UBXN7: variants seen among roughly 807,000 people sequenced by gnomAD.
The protein encoded by UBXN7 is UBX domain-containing protein 7.
A neutral mutation model predicts 58.0 loss-of-function variants in UBXN7; 9 were observed. That is an observed-to-expected ratio of 0.16 (90% CI 0.09 to 0.27). The LOEUF is 0.27. Ranked by LOEUF, UBXN7 falls within the 10% of genes least tolerant of loss-of-function variation. The pLI is 1.00. For synonymous variants in UBXN7, 208 were observed against 205.0 expected (o/e 1.01, Z -0.12); for missense variants, 328 against 599.6 (o/e 0.55, Z 4.73).
intron 5 of UBXN7, among the ~76,000 whole-genome samples, chr3:196,384,754 T>G (rs1729320482): frequency 6.6e-6 from 1 of 152,184 alleles, no homozygotes; most frequent in African/African-American, 2.4e-5. Context: ...TCAACAGCCC[T>G]TCACGCTAAA....
In UBXN7 at chr3:196,407,214, A is replaced by C. The variant is rs773385993; in HGVS notation, c.221+32T>G. 3 of 1,603,652 alleles carry C rather than the reference A, an allele frequency of 1.9e-6. No individual in the cohort carries two copies. In the African/African-American group the frequency reaches 4.0e-5, roughly 21 times the overall value. On this transcript the variant is annotated intron_variant, in intron 2 of 10. Transcript: ENST00000296328. ...TGCAACTACTTAATTTAGGCAATGG[A>C]TAGCTCCTGACAACACATAATAAAT...
At chr3:196,384,099 A>G (rs1227372869) in intron 5 of UBXN7, among the ~76,000 whole-genome samples, 2 of 152,212 alleles carry the variant, frequency 1.3e-5, no homozygotes, top group African/African-American at 4.8e-5. Context: ...TAGACGCAAT[A>G]AAAAATGATC....
chr3:196,390,849 C>T (rs1560230731), intron 5 of UBXN7, among the ~76,000 whole-genome samples: 1 of 152,022 alleles, frequency 6.6e-6, no homozygotes, highest in Non-Finnish European at 1.5e-5. Flanking sequence ...TGTTTGAACA[C>T]CTCAACAGAA....
At chr3:196,358,943 G>C (rs1333546802) in intron 10 of UBXN7, among the ~76,000 whole-genome samples, 1 of 151,724 alleles carries the variant, frequency 6.6e-6, no homozygotes, top group African/African-American at 2.4e-5. Flanking sequence ...TTACAGGAGT[G>C]AGCCACTGCA....
At chr3:196,408,598 TCTC>T (rs775688514) in intron 1 of UBXN7, among the ~76,000 whole-genome samples, 16 of 152,168 alleles carry the variant, frequency 1.1e-4, no homozygotes, top group Non-Finnish European at 2.2e-4. Context: ...TCCCTTAGAA[TCTC>T]CTTCTCTTGG....
intron 6 of UBXN7, among the ~76,000 whole-genome samples, chr3:196,370,855 TAC>T (rs1466619157): frequency 2.7e-5 from 2 of 75,408 alleles, no homozygotes; most frequent in African/African-American, 5.7e-5. Flanking sequence ...ACCCCATCTC[TAC>T]AAAAAAAAAA....
intron 1 of UBXN7, chr3:196,423,471 G>T: frequency 8.1e-6 from 2 of 246,346 alleles, no homozygotes; most frequent in South Asian, 7.6e-5. Context: ...TGGCTGTGAT[G>T]GGGCTTGGGG....
At chr3:196,417,675 G>A (rs543178804) in intron 1 of UBXN7, among the ~76,000 whole-genome samples, 1 of 136,698 alleles carries the variant, frequency 7.3e-6, no homozygotes, top group Non-Finnish European at 1.5e-5. Flanking sequence ...GGCCGAGGCA[G>A]ACGGACTGCT....
In UBXN7 at chr3:196,375,658, T is replaced by G. The variant is rs567123095; in HGVS notation, c.469-3616A>C. Among the ~76,000 whole-genome samples, 39 of 152,234 alleles carry G rather than the reference T, an allele frequency of 2.6e-4. 3 individuals are homozygous for G. In the South Asian group the frequency reaches 8.1e-3, roughly 32 times the overall value. On this transcript the variant is annotated intron_variant, in intron 5 of 10. Coordinates refer to ENST00000296328, the MANE Select transcript of UBXN7 (RefSeq NM_015562.2). ...TTCTGAATCAACATTTCAAAGCCAT[T>G]ATAATGGAGACCCCAGAGTAAAACA...
chr3:196,357,334 C>T (rs139206591), intron 10 of UBXN7, among the ~76,000 whole-genome samples: 11 of 152,336 alleles, frequency 7.2e-5, no homozygotes, highest in African/African-American at 2.6e-4. Context: ...TTCAACACTG[C>T]TTGCATTTCA....
intron 1 of UBXN7, among the ~76,000 whole-genome samples, chr3:196,414,221 G>A (rs1730415205): frequency 6.6e-6 from 1 of 152,094 alleles, no homozygotes; most frequent in Non-Finnish European, 1.5e-5. Context: ...CTGACCTCAG[G>A]TGATCCGCCT....
At chr3:196,415,203 A>C (rs1297102545) in intron 1 of UBXN7, among the ~76,000 whole-genome samples, 1 of 150,068 alleles carries the variant, frequency 6.7e-6, no homozygotes, top group East Asian at 2.0e-4. Flanking sequence ...GCCAGGCTGA[A>C]AAGCAGTGGT....
At chr3:196,373,230 T>G (rs1728894994) in intron 5 of UBXN7, among the ~76,000 whole-genome samples, 1 of 152,128 alleles carries the variant, frequency 6.6e-6, no homozygotes. Context: ...CTCTTAAGAG[T>G]TGTCTTCCTA....
intron 8 of UBXN7, among the ~76,000 whole-genome samples, chr3:196,364,192 T>C (rs1728590569): frequency 6.6e-6 from 1 of 152,212 alleles, no homozygotes; most frequent in Admixed American, 6.5e-5. Flanking sequence ...CAGATTTTAC[T>C]AAACTTAATG....
chr3:196,367,578 G>A (rs1728706061), intron 8 of UBXN7, among the ~76,000 whole-genome samples: 1 of 152,056 alleles, frequency 6.6e-6, no homozygotes, highest in Admixed American at 6.6e-5. Context: ...AGGACAGTCT[G>A]GGCAAAACAG....
chr3:196,359,443 G>A (rs557159988), intron 10 of UBXN7, among the ~76,000 whole-genome samples: 1 of 152,188 alleles, frequency 6.6e-6, no homozygotes, highest in East Asian at 1.9e-4. Flanking sequence ...GAAAGGAAGT[G>A]TCCATCCTCA....
chr3:196,399,455 T>C (rs373187687), intron 3 of UBXN7, among the ~76,000 whole-genome samples: 47 of 152,126 alleles, frequency 3.1e-4, no homozygotes, highest in African/African-American at 1.1e-3. Flanking sequence ...GTTTCTTTTA[T>C]AGACAGGGCC....
At chr3:196,391,395 C>T (rs1729578162) in intron 5 of UBXN7, among the ~76,000 whole-genome samples, 1 of 151,932 alleles carries the variant, frequency 6.6e-6, no homozygotes, top group African/African-American at 2.4e-5. Context: ...ATGCCAATTC[C>T]CTATACACTG....
chr3:196,425,194 A>G (rs1467615926), intron 1 of UBXN7, among the ~76,000 whole-genome samples: 4 of 152,226 alleles, frequency 2.6e-5, no homozygotes, highest in Admixed American at 2.6e-4. Context: ...GCACTGTTAC[A>G]TACCTAGGTG....
Sources: gnomAD v4.1 joint callset for allele counts (sites outside exome capture counted in the v4.1 genomes callset) on GRCh38, gnomAD v4.1.1 for gene constraint, MANE v1.5 for transcripts, NCBI Gene and HGNC (gene_info 2026-07-23, HGNC 2026-07-21) for gene names.